Variants in AGMO observed in about 807,000 individuals in gnomAD.
AGMO encodes alkylglycerol monooxygenase, also known as glyceryl-ether monooxygenase.
A neutral mutation model predicts 60.2 loss-of-function variants in AGMO; 75 were observed. The observed-to-expected ratio is 1.25, with a 90% CI of 1.03 to 1.51. The LOEUF (loss-of-function observed/expected upper bound fraction) is 1.51. Among genes scored for constraint, AGMO ranks in the 40% most tolerant of loss-of-function variants. AGMO has a pLI of 0.00. For missense variants in AGMO, 763 were observed against 525.5 expected, an observed-to-expected ratio of 1.45 and a Z score of -4.42; for synonymous variants, 261 against 177.1, an observed-to-expected ratio of 1.47 and a Z score of -3.76.
intron 12 of AGMO, among the ~76,000 whole-genome samples, chr7:15,231,038 T>C (rs534036692): frequency 6.6e-5 from 10 of 152,322 alleles, no homozygotes; most frequent in African/African-American, 2.4e-4. Flanking sequence ...CAGTTCTCTT[T>C]CTCAGCTTAT....
the AGMO span, among the ~76,000 whole-genome samples, chr7:15,151,648 C>T: frequency 0.59 from 89,143 of 151,902 alleles, 27,280 homozygotes; most frequent in East Asian, 0.72. Context: ...TTTCTATTTT[C>T]ATTGTGTCGT....
intron 12 of AGMO, among the ~76,000 whole-genome samples, chr7:15,214,232 T>C (rs1162385292): frequency 6.6e-6 from 1 of 151,910 alleles, no homozygotes; most frequent in Admixed American, 6.6e-5. Flanking sequence ...AAATCACACT[T>C]TGGGACACTA....
At position 15,514,687 on chromosome 7, in the gene AGMO, C is replaced by A. The variant is rs1783763678; in HGVS notation, c.409+30085G>T. On this transcript the variant is annotated intron_variant, in intron 3 of 12. Transcript: ENST00000342526. The stretch of plus-strand genomic sequence containing the variant: ...AATAAAAGAATCGTCATATGCATAA[C>A]TACTTAATGTCATCAAGAAAGGGAA... Among the ~76,000 whole-genome samples the A allele has an allele frequency of 3.3e-5, 5 of 152,160 alleles. No individual in the cohort carries two copies. In the South Asian group the frequency reaches 1.0e-3, roughly 32 times the overall value.
chr7:15,366,320 T>C, intron 10 of AGMO, 98 bp from the exon 11 acceptor site: 1 of 749,792 alleles, frequency 1.3e-6, no homozygotes, highest in Non-Finnish European at 2.2e-6. Context: ...TTTTATGTCC[T>C]GTTGCACCAC....
chr7:15,400,341 G>T (rs943413355), intron 5 of AGMO, among the ~76,000 whole-genome samples: 2 of 152,112 alleles, frequency 1.3e-5, no homozygotes, highest in African/African-American at 4.8e-5. Flanking sequence ...AGTGCTACTG[G>T]CATCTAGTGA....
At chr7:15,459,516 T>C (rs892561020) in intron 3 of AGMO, among the ~76,000 whole-genome samples, 2 of 151,818 alleles carry the variant, frequency 1.3e-5, no homozygotes, top group African/African-American at 2.4e-5. Flanking sequence ...GGAATGAACT[T>C]TTCTGAATCT....
At chr7:15,448,038 C>T (rs773519719) in intron 3 of AGMO, among the ~76,000 whole-genome samples, 1 of 152,152 alleles carries the variant, frequency 6.6e-6, no homozygotes, top group Non-Finnish European at 1.5e-5. Flanking sequence ...AACCACCAAA[C>T]CCAGTGAAAA....
At chr7:15,273,737 A>G (rs1052157944) in intron 12 of AGMO, among the ~76,000 whole-genome samples, 4 of 152,154 alleles carry the variant, frequency 2.6e-5, no homozygotes, top group African/African-American at 9.7e-5. Context: ...CACGGTATTG[A>G]TTCTTCCTAT....
chr7:15,369,776 C>A (rs972734350), intron 10 of AGMO, among the ~76,000 whole-genome samples: 2 of 151,890 alleles, frequency 1.3e-5, no homozygotes, highest in Non-Finnish European at 1.5e-5. Context: ...TCCCAAGGGC[C>A]TAGAATATAG....
At chr7:15,284,091 GA>G (rs1169319951) in intron 12 of AGMO, among the ~76,000 whole-genome samples, 11 of 152,060 alleles carry the variant, frequency 7.2e-5, no homozygotes, top group Non-Finnish European at 1.5e-5. Flanking sequence ...AGTGCTAAGA[GA>G]AAAGTCTGTA....
At chr7:15,368,698 T>C (rs930565632) in intron 10 of AGMO, among the ~76,000 whole-genome samples, 4 of 152,106 alleles carry the variant, frequency 2.6e-5, no homozygotes, top group Non-Finnish European at 5.9e-5. Context: ...TAATCTTAAT[T>C]ACAATAAGAT....
chr7:15,197,984 ATAAAG>A (rs1247606757), downstream of AGMO, among the ~76,000 whole-genome samples: 1 of 152,176 alleles, frequency 6.6e-6, no homozygotes, highest in Non-Finnish European at 1.5e-5. Flanking sequence ...ATTATCTGCT[ATAAAG>A]TAGTGTTAAC....
At chr7:15,244,873 C>T (rs546233065) in intron 12 of AGMO, among the ~76,000 whole-genome samples, 56 of 152,162 alleles carry the variant, frequency 3.7e-4, no homozygotes, top group Non-Finnish European at 7.6e-4. Context: ...AGGATGGTCT[C>T]GATCTCCTGA....
chr7:15,388,094 G>T (rs964442204), intron 8 of AGMO, among the ~76,000 whole-genome samples: 2 of 151,960 alleles, frequency 1.3e-5, no homozygotes, highest in South Asian at 2.1e-4. Context: ...TTTTAGTGGC[G>T]ACAGGGTTTC....
intron 6 of AGMO, among the ~76,000 whole-genome samples, chr7:15,391,272 T>C (rs1784124954): frequency 6.6e-6 from 1 of 152,098 alleles, no homozygotes; most frequent in Admixed American, 6.5e-5. Context: ...AAACGATGTA[T>C]ATAAATGTTT....
At chr7:15,396,928 C>T (rs1784413228) in intron 5 of AGMO, among the ~76,000 whole-genome samples, 1 of 152,168 alleles carries the variant, frequency 6.6e-6, no homozygotes, top group African/African-American at 2.4e-5. Flanking sequence ...CTCCAAGTCC[C>T]CTCACCTGAT....
intron 6 of AGMO, among the ~76,000 whole-genome samples, chr7:15,392,807 C>A (rs28421921): frequency 0.14 from 8,837 of 64,616 alleles, 332 homozygotes; most frequent in African/African-American, 0.28. Flanking sequence ...TCAAAACAAA[C>A]AAACAAACAA....
At chr7:15,459,475 C>T (rs2128508144) in intron 3 of AGMO, among the ~76,000 whole-genome samples, 1 of 152,072 alleles carries the variant, frequency 6.6e-6, no homozygotes, top group Admixed American at 6.6e-5. Flanking sequence ...TGCCCTCTCC[C>T]CAGGGAGGCA....
rs562667253 is a variant in AGMO, at chr7:15,385,518, T to G, written c.1002A>C (p.Leu334=). 6.2e-7 allele frequency: 1 copy of G among 1,613,354 alleles called. No individual in the cohort carries two copies. Among genetic ancestry groups the G allele is most frequent in the Non-Finnish European group, 8.5e-7 (1 of 1,179,506 alleles). The part of the protein sequence containing the change: ...EVPFSSSSSQ[L]LKIYTVVQFA... The stretch of plus-strand genomic sequence containing the variant: ...ACTGTACAACTGTATATATCTTTAA[T>G]AGCTGAGATGAAGATGATGAGAAGG... The change falls in exon 10 of 13, where the codon CTA becomes CTC. Residue 334 remains leucine, a synonymous_variant. Coordinates refer to ENST00000342526, the MANE Select transcript of AGMO (RefSeq NM_001004320.2).
Sources: allele counts gnomAD v4.1 joint callset (sites outside exome capture counted in the v4.1 genomes callset), GRCh38; gene constraint gnomAD v4.1.1; transcripts MANE v1.5; gene names NCBI Gene and HGNC (gene_info 2026-07-23, HGNC 2026-07-21).